DDX31: variants seen among roughly 807,000 people sequenced by gnomAD.
The protein encoded by DDX31 is DEAD-box helicase 31.
In DDX31, 70 loss-of-function variants were observed where a neutral mutation model predicts 91.3. That is an observed-to-expected ratio of 0.77 (90% CI 0.63 to 0.94). The LOEUF is 0.94. DDX31 is among the 40% of genes least tolerant of loss of function. DDX31 has a pLI of 0.00. For missense variants in DDX31, 902 were observed against 925.0 expected, an observed-to-expected ratio of 0.98 and a Z score of 0.32; for synonymous variants, 362 against 350.6, an observed-to-expected ratio of 1.03 and a Z score of -0.36.
intron 6 of DDX31, among the ~76,000 whole-genome samples, chr9:132,655,837 G>A (rs764857839): frequency 2.6e-5 from 4 of 152,122 alleles, no homozygotes; most frequent in Non-Finnish European, 4.4e-5. Flanking sequence ...TATGGTTTTC[G>A]TGTTTTGCAT....
intron 6 of DDX31, among the ~76,000 whole-genome samples, chr9:132,653,494 CAAAAAAAAAAAAAAAAAAAAAAA>C (rs71376648): frequency 4.4e-3 from 91 of 20,666 alleles, no homozygotes; most frequent in Admixed American, 0.012. Context: ...AACTCAGTCT[CAAAAAAAAAAAAAAAAAAAAAAA>C]AAAAAAAAAA....
chr9:132,618,326 T>G lies in DDX31; in HGVS notation c.1825+4A>C, dbSNP rs1408649728. On this transcript the variant is annotated splice_donor_region_variant and intron_variant, in intron 18 of 19. Transcript: ENST00000372159. ...CTGCGCAAGCACCTAGGAAATCGACTGACCTTTCTTTGCCCAGGAGACCCT... is the reference window on the plus strand; with the variant it reads ...CTGCGCAAGCACCTAGGAAATCGACGGACCTTTCTTTGCCCAGGAGACCCT... The G allele has an allele frequency of 1.2e-6, 2 of 1,607,404 alleles. No homozygotes were observed. Among genetic ancestry groups the G allele is most frequent in the African/African-American group, 2.7e-5 (2 of 74,742 alleles).
intron 16 of DDX31, among the ~76,000 whole-genome samples, chr9:132,626,811 C>T (rs556927622): frequency 6.6e-6 from 1 of 152,242 alleles, no homozygotes; most frequent in South Asian, 2.1e-4. Flanking sequence ...TGCACACCCC[C>T]AGCCCTCACC....
intron 1 of DDX31, 181 bp downstream of exon 1, chr9:132,669,679 G>C: frequency 6.5e-7 from 1 of 1,533,696 alleles, no homozygotes; most frequent in East Asian, 2.4e-5. Context: ...CATCCCTGCG[G>C]GTGGTGTTCC....
intron 16 of DDX31, among the ~76,000 whole-genome samples, chr9:132,627,728 T>C (rs1027080113): frequency 6.6e-6 from 1 of 152,226 alleles, no homozygotes; most frequent in African/African-American, 2.4e-5. Flanking sequence ...TCTCTTGCCC[T>C]GTCTGCTCCA....
chr9:132,627,481 G>A (rs1375863937), intron 16 of DDX31, among the ~76,000 whole-genome samples: 1 of 152,146 alleles, frequency 6.6e-6, no homozygotes, highest in African/African-American at 2.4e-5. Flanking sequence ...CCTCACCTTA[G>A]TATGAAACGA....
rs1167377454 is a variant in DDX31, at chr9:132,646,010, T to C, written c.1265A>G (p.Tyr422Cys). The C allele has an allele frequency of 4.3e-6, 7 of 1,614,040 alleles. No individual in the cohort carries two copies. In the South Asian group the frequency reaches 4.4e-5, roughly 10 times the overall value. Residue 422 changes from tyrosine to cysteine, a missense_variant, in exon 13 of 20, where the codon TAC becomes TGC. Physicochemically the swap from Tyr to Cys is radical, Grantham distance 194. Transcript: ENST00000372159. ...FSSCELVEFH[Y>C]SLFLQTLLSS... Reference sequence around the variant, plus strand: ...CAGCAGGGTCTGTAGGAAGAGGCTGTAGTGGAACTCCACCAGCTCGCAACT... The same window carrying C: ...CAGCAGGGTCTGTAGGAAGAGGCTGCAGTGGAACTCCACCAGCTCGCAACT...
intron 6 of DDX31, 54 bp from the exon 7 acceptor site, chr9:132,652,546 C>A (rs534352656): frequency 6.2e-7 from 1 of 1,608,354 alleles, no homozygotes; most frequent in African/African-American, 1.3e-5. Flanking sequence ...AGGCAGACTC[C>A]AAACGGACAG....
At chr9:132,654,945 CAAAAAAA>C in intron 6 of DDX31, among the ~76,000 whole-genome samples, 1 of 90,230 alleles carries the variant, frequency 1.1e-5, no homozygotes, top group South Asian at 4.0e-4. Context: ...GACTCTGTCT[CAAAAAAA>C]AAAAAAAAAA....
chr9:132,660,252 T>C (rs988436055), intron 4 of DDX31, among the ~76,000 whole-genome samples: 2 of 151,396 alleles, frequency 1.3e-5, no homozygotes, highest in African/African-American at 4.9e-5. Flanking sequence ...GGAGAATCGC[T>C]TGAACCTGGG....
intron 19 of DDX31, among the ~76,000 whole-genome samples, chr9:132,603,877 C>G (rs1022207745): frequency 5.3e-5 from 8 of 152,148 alleles, no homozygotes; most frequent in African/African-American, 1.9e-4. Flanking sequence ...CTGTGAAATC[C>G]TCTAATCGCC....
chr9:132,657,740 C>G (rs757844435), intron 6 of DDX31, among the ~76,000 whole-genome samples: 1 of 152,150 alleles, frequency 6.6e-6, no homozygotes, highest in Non-Finnish European at 1.5e-5. Context: ...CTGAGAATAA[C>G]GAGGCTGTAT....
intron 1 of DDX31, among the ~76,000 whole-genome samples, chr9:132,666,887 G>A (rs1374462082): frequency 6.6e-6 from 1 of 152,050 alleles, no homozygotes; most frequent in African/African-American, 2.4e-5. Flanking sequence ...CTAATTTTTT[G>A]TATTTTTAAT....
intron 19 of DDX31, among the ~76,000 whole-genome samples, chr9:132,603,687 A>G (rs564750086): frequency 5.9e-5 from 9 of 152,206 alleles, no homozygotes; most frequent in Non-Finnish European, 1.3e-4. Context: ...GGCCAGCCAC[A>G]TCTACTAATT....
chr9:132,623,049 GA>G (rs1832140974), intron 17 of DDX31, among the ~76,000 whole-genome samples: 1 of 150,482 alleles, frequency 6.6e-6, no homozygotes, highest in South Asian at 2.1e-4. Flanking sequence ...AGAATCGGTG[GA>G]ACCCAGGAGG....
At chr9:132,660,009 G>A (rs1458789870) in intron 4 of DDX31, among the ~76,000 whole-genome samples, 2 of 152,164 alleles carry the variant, frequency 1.3e-5, no homozygotes, top group African/African-American at 2.4e-5. Flanking sequence ...GCAAACCAGA[G>A]ACTGGCCATT....
chr9:132,662,429 CT>C lies in DDX31; in HGVS notation c.332+9del, dbSNP rs762560999. 3.7e-6 allele frequency: 6 copies of C among 1,614,110 alleles called. No homozygotes were observed. Among genetic ancestry groups the C allele is most frequent in the Non-Finnish European group, 5.1e-6 (6 of 1,179,986 alleles). The stretch of plus-strand genomic sequence containing the variant: ...TTTTCTTCCTGAAGGGCATCCGCCC[CT>C]GGACATACCTGTGGAGTTCTGGAAT... On this transcript the variant is annotated intron_variant, in intron 2 of 19. Transcript: ENST00000372159.
At chr9:132,642,089 C>T in intron 13 of DDX31, 26 bp from the exon 14 acceptor site, 2 of 1,611,430 alleles carry the variant, frequency 1.2e-6, no homozygotes, top group African/African-American at 1.3e-5. Flanking sequence ...AAAATAGAGC[C>T]TTACAACTCA....
At chr9:132,654,231 G>C (rs188430068) in intron 6 of DDX31, among the ~76,000 whole-genome samples, 84 of 152,220 alleles carry the variant, frequency 5.5e-4, no homozygotes, top group Admixed American at 1.8e-3. Flanking sequence ...ATGATAACCT[G>C]GGGAGAAAAT....
Sources: gnomAD v4.1 joint callset for allele counts (sites outside exome capture counted in the v4.1 genomes callset) on GRCh38, gnomAD v4.1.1 for gene constraint, MANE v1.5 for transcripts, NCBI Gene and HGNC (gene_info 2026-07-23, HGNC 2026-07-21) for gene names.